Variants in ABCA9 observed in about 807,000 individuals in gnomAD.
ABCA9 encodes ATP binding cassette subfamily A member 9.
Under a neutral mutation model 205.3 loss-of-function variants are expected in ABCA9, and 183 were observed. The ratio of observed to expected loss-of-function variants is 0.89; its 90% CI spans 0.79 to 1.01. The LOEUF (loss-of-function observed/expected upper bound fraction) is 1.01, where lower values mean the gene tolerates loss of function less well. Ranked by LOEUF, ABCA9 falls within the 50% of genes least tolerant of loss-of-function variation. The pLI, the probability that ABCA9 is intolerant of heterozygous loss-of-function variation, is 0.00. For missense variants in ABCA9, 1,805 were observed against 1,912.4 expected, an observed-to-expected ratio of 0.94 and a Z score of 1.05; for synonymous variants, 651 against 683.3, an observed-to-expected ratio of 0.95 and a Z score of 0.74.
rs369723469 is a variant in ABCA9, at chr17:69,035,233, C to T, written c.1128+13G>A. 6.5e-6 allele frequency: 10 copies of T among 1,533,314 alleles called. No homozygotes were observed. The South Asian group carries it at 1.3e-4, about 20-fold the overall frequency. The allele number at this position is 1,533,314 out of a possible 1,614,324, so 95.0% of individuals were successfully genotyped here. A position where few individuals can be genotyped will look rare whatever the true frequency, so the allele number is the denominator to read the frequency against. On this transcript the variant is annotated intron_variant, in intron 8 of 38. Coordinates refer to ENST00000340001, the MANE Select transcript of ABCA9 (RefSeq NM_080283.4). Reference sequence around the variant, plus strand: ...CGGTTTGTAAAAAGTGAAAGTGTTACCTTAACTCTTACCTGGGCCATCCCA... The same window carrying T: ...CGGTTTGTAAAAAGTGAAAGTGTTATCTTAACTCTTACCTGGGCCATCCCA...
chr17:69,057,338 T>G (rs1032380300), intron 1 of ABCA9, among the ~76,000 whole-genome samples: 1 of 152,212 alleles, frequency 6.6e-6, no homozygotes, highest in Non-Finnish European at 1.5e-5. Flanking sequence ...CTATTTTCAA[T>G]GAGAGACAAT....
chr17:69,059,657 A>AT (rs2072171796), intron 1 of ABCA9, among the ~76,000 whole-genome samples: 1 of 138,052 alleles, frequency 7.2e-6, no homozygotes. Flanking sequence ...CTAAACCATT[A>AT]AGTTTGTGGT....
chr17:69,027,921 C>T, intron 12 of ABCA9, 106 bp from the exon 13 acceptor site: 1 of 913,172 alleles, frequency 1.1e-6, no homozygotes, highest in Admixed American at 2.6e-5. Flanking sequence ...TTCATTTCAA[C>T]ATTGTTTACT....
chr17:68,991,599 T>A (rs2069456907), intron 28 of ABCA9, among the ~76,000 whole-genome samples: 1 of 152,224 alleles, frequency 6.6e-6, no homozygotes, highest in Non-Finnish European at 1.5e-5. Flanking sequence ...ATCTTGTCAC[T>A]CTTCTCTGCT....
In ABCA9 at chr17:68,974,527, A is replaced by G. The variant is rs1390591131; in HGVS notation, c.*1388T>C. On this transcript the variant is annotated 3_prime_UTR_variant, in exon 39 of 39. Transcript: ENST00000340001. ...AAGTGTTTTATTTTCAAAAACTAGAAGAATATAAGAACTAAAATCAAAGCC... is the reference window on the plus strand; with the variant it reads ...AAGTGTTTTATTTTCAAAAACTAGAGGAATATAAGAACTAAAATCAAAGCC... 6.6e-6 allele frequency: 1 copy of G among 152,246 alleles called. No homozygotes were observed. Among genetic ancestry groups the G allele is most frequent in the Non-Finnish European group, 1.5e-5 (1 of 68,044 alleles). The allele number at this position is 152,246 out of a possible 1,614,324, so 9.4% of individuals were successfully genotyped here.
chr17:69,010,162 G>A (rs1315787662), intron 23 of ABCA9, among the ~76,000 whole-genome samples: 2 of 136,750 alleles, frequency 1.5e-5, no homozygotes, highest in African/African-American at 5.2e-5. Flanking sequence ...CTAGTTGACA[G>A]GAGACAGTTA....
At chr17:69,078,912 T>A in the ABCA9 span, 27 of 949,572 alleles carry the variant, frequency 2.8e-5, no homozygotes, top group Middle Eastern at 3.4e-4. Context: ...AACATACTAT[T>A]AATTATTACA....
At chr17:69,062,581 G>C (rs1027093173), upstream of ABCA9, among the ~76,000 whole-genome samples, 1 of 151,968 alleles carries the variant, frequency 6.6e-6, no homozygotes, top group Non-Finnish European at 1.5e-5. Flanking sequence ...CACAATCTCG[G>C]CTCAATGGAA....
intron 32 of ABCA9, 72 bp from the exon 33 acceptor site, chr17:68,985,200 A>T (rs1305757082): frequency 6.2e-7 from 1 of 1,601,122 alleles, no homozygotes; most frequent in Non-Finnish European, 8.6e-7. Flanking sequence ...GCAAATCAGG[A>T]GAAACACGAC....
rs1295343011 is a variant in ABCA9, at chr17:68,984,092, C to G, written c.4463G>C (p.Cys1488Ser). The change falls in exon 35 of 39, where the codon TGT becomes TCT. Residue 1488 changes from cysteine (C) to serine (S), a missense_variant. Physicochemically the swap from Cys to Ser is moderately radical, Grantham distance 112. Transcript: ENST00000340001. ...THYMAEAEAV[C>S]DRVAIMVSGR... Reference sequence around the variant, plus strand: ...TGACACCATGATGGCCACTCGGTCACACACCGCCTCAGCCTCTGCCATGTA... The same window carrying G: ...TGACACCATGATGGCCACTCGGTCAGACACCGCCTCAGCCTCTGCCATGTA... 6.2e-7 allele frequency: 1 copy of G among 1,614,176 alleles called. No homozygotes were observed. The highest frequency in any genetic ancestry group is 1.7e-5 in the Admixed American group (1 of 60,018).
At chr17:68,998,725 T>G (rs1317881460) in intron 25 of ABCA9, among the ~76,000 whole-genome samples, 1 of 152,122 alleles carries the variant, frequency 6.6e-6, no homozygotes, top group African/African-American at 2.4e-5. Context: ...GGGGATTATC[T>G]TAATCCTTTA....
chr17:69,008,199 A>G lies in ABCA9; in HGVS notation c.3184T>C (p.Tyr1062His). 1.9e-6 allele frequency: 3 copies of G among 1,613,814 alleles called. No individual in the cohort carries two copies. Among genetic ancestry groups the G allele is most frequent in the Non-Finnish European group, 1.7e-6 (2 of 1,179,876 alleles). Residue 1062 changes from tyrosine (Y) to histidine (H), a missense_variant, in exon 24 of 39, where the codon TAC (tyrosine) becomes CAC (histidine). By Grantham distance (83) the Tyr-to-His change is moderately conservative. Transcript: ENST00000340001. The stretch of plus-strand genomic sequence containing the variant: ...TGGCCAAACCAGTATGCAGAAGGGT[A>G]GAGGCCTGAAATCCGTAGCTGGGAA... ...AHSQLRISGL[Y>H]PSAYWFGQAL...
Position 69,001,370 on chromosome 17 carries a change from A to C in ABCA9, c.3436-5356T>G, listed in dbSNP as rs1200871235. ...AAAGGCCTTTTCTGCATCTATTGAG[A>C]TAATCATGTGGTTTTTGTCTTTGGC... On this transcript the variant is annotated intron_variant, in intron 25 of 38. Coordinates refer to ENST00000340001, the MANE Select transcript of ABCA9 (RefSeq NM_080283.4). 4.0e-5 allele frequency among the ~76,000 whole-genome samples: 6 copies of C among 151,844 alleles called. No homozygotes were observed. The South Asian group carries it at 1.2e-3, about 32-fold the overall frequency.
chr17:68,985,673 A>G (rs1269220657), intron 32 of ABCA9, among the ~76,000 whole-genome samples: 1 of 151,922 alleles, frequency 6.6e-6, no homozygotes, highest in African/African-American at 2.4e-5. Context: ...GCAGTGGCTC[A>G]CACCTGTAAT....
chr17:68,976,887 C>T (rs142762585), intron 37 of ABCA9, among the ~76,000 whole-genome samples: 2 of 152,160 alleles, frequency 1.3e-5, no homozygotes, highest in Admixed American at 1.3e-4. Flanking sequence ...AGACCTCAAC[C>T]ATGTAGATAC....
At chr17:69,064,100 G>T (rs560044540), upstream of ABCA9, among the ~76,000 whole-genome samples, 7 of 152,168 alleles carry the variant, frequency 4.6e-5, no homozygotes, top group Non-Finnish European at 8.8e-5. Context: ...CTATCCATGG[G>T]CAGGGCAGGG....
chr17:69,012,026 C>CCATCGGTATCCAGAAGAAGGTGTTA lies in ABCA9; in HGVS notation c.3072_3096dup (p.Ala1033Ter). On this transcript the variant is annotated stop_gained and frameshift_variant, in exon 23 of 39. Coordinates refer to ENST00000340001, the MANE Select transcript of ABCA9 (RefSeq NM_080283.4). LOFTEE classifies it high-confidence loss of function. ...GCAATGTATGGAGTGAAAGAGGCTGCCATCGGTATCCAGAAGAAGGTGTTA... is the reference window on the plus strand; with the variant it reads ...GCAATGTATGGAGTGAAAGAGGCTGCCATCGGTATCCAGAAGAAGGTGTTACATCGGTATCCAGAAGAAGGTGTTA... The CCATCGGTATCCAGAAGAAGGTGTTA allele has an allele frequency of 6.2e-7, 1 of 1,613,126 alleles. No individual in the cohort carries two copies. Among genetic ancestry groups the CCATCGGTATCCAGAAGAAGGTGTTA allele is most frequent in the Non-Finnish European group, 8.5e-7 (1 of 1,179,486 alleles).
At chr17:69,032,482 G>T in intron 9 of ABCA9, 2 of 451,894 alleles carry the variant, frequency 4.4e-6, no homozygotes, top group East Asian at 7.0e-5. Flanking sequence ...TTTTTAACAT[G>T]AGAAGCATGT....
upstream of ABCA9, among the ~76,000 whole-genome samples, chr17:69,065,730 G>A (rs2072341254): frequency 1.3e-5 from 2 of 152,060 alleles, no homozygotes; most frequent in African/African-American, 2.4e-5. Context: ...TGCCTTCCTT[G>A]CTGATACAGT....
Sources: gnomAD v4.1 joint callset for allele counts (sites outside exome capture counted in the v4.1 genomes callset) on GRCh38, gnomAD v4.1.1 for gene constraint, MANE v1.5 for transcripts, NCBI Gene and HGNC (gene_info 2026-07-23, HGNC 2026-07-21) for gene names.